DVL3: variants seen among roughly 807,000 people sequenced by gnomAD.
DVL3 encodes the protein dishevelled segment polarity protein 3, also known as segment polarity protein dishevelled homolog DVL-3.
DVL3 carries 27 observed loss-of-function variants against 67.4 expected under a neutral mutation model. The ratio of observed to expected loss-of-function variants is 0.40; its 90% CI spans 0.30 to 0.55. DVL3 has a LOEUF of 0.55. Ranked by LOEUF, DVL3 falls within the 20% of genes least tolerant of loss-of-function variation. The probability of loss-of-function intolerance (pLI) is 0.46; values close to 1 mark genes in which losing one functional copy is unlikely to be tolerated. For missense variants in DVL3, 819 were observed against 1,021.5 expected (o/e 0.80, Z 2.70); for synonymous variants, 369 against 396.8 (o/e 0.93, Z 0.83).
At position 184,170,343 on chromosome 3, in the gene DVL3, G is replaced by A. The variant is rs1177752823; in HGVS notation, c.1739G>A (p.Arg580His). ...SEGSRSSGSN[R>H]SGSDRRKEKD... Reference sequence around the variant, plus strand: ...GGCAGTCGGAGCAGTGGCTCCAACCGTAGCGGCAGCGATCGGAGGAAGGAG... The same window carrying A: ...GGCAGTCGGAGCAGTGGCTCCAACCATAGCGGCAGCGATCGGAGGAAGGAG... The change falls in exon 15 of 15, where the codon CGT becomes CAT. Residue 580 changes from arginine (R) to histidine (H), a missense_variant. Transcript: ENST00000313143. The surrounding 1 kb of genome is among the most constrained non-coding windows in gnomAD (Gnocchi z 6.5). The A allele has an allele frequency of 1.9e-6, 3 of 1,604,576 alleles. No homozygotes were observed. The highest frequency in any genetic ancestry group is 1.3e-5 in the African/African-American group (1 of 74,864).
chr3:184,164,954 A>G lies in DVL3; in HGVS notation c.599+23A>G. The G allele has an allele frequency of 1.2e-6, 2 of 1,613,930 alleles. No individual in the cohort carries two copies. The highest frequency in any genetic ancestry group is 2.2e-5 in the East Asian group (1 of 44,860). On this transcript the variant is annotated intron_variant, in intron 5 of 14. Transcript: ENST00000313143. The surrounding 1 kb of genome is among the most constrained non-coding windows in gnomAD (Gnocchi z 5.3). ...CAGGTGGGGCTTGAGTTTCATGGGT[A>G]TTGTGGGGCAGGTGACCCTGGAGGA...
At chr3:184,160,150 C>T (rs1432869468) in intron 1 of DVL3, among the ~76,000 whole-genome samples, 1 of 145,722 alleles carries the variant, frequency 6.9e-6, no homozygotes, top group Non-Finnish European at 1.5e-5. Context: ...GACGGGGTTT[C>T]ACCGTATTAG....
Position 184,164,295 on chromosome 3 carries a change from A to C in DVL3, c.260A>C (p.Asp87Ala), listed in dbSNP as rs1577048001. 1 of 1,614,000 alleles carries C rather than the reference A, an allele frequency of 6.2e-7. No individual in the cohort carries two copies. The highest frequency in any genetic ancestry group is 8.5e-7 in the Non-Finnish European group (1 of 1,179,982). ...GTGTCAGCTGAGGGCTCACACCCAGACCCAGCCCCCTTCTGTGCTGATAAC... is the reference window on the plus strand; with the variant it reads ...GTGTCAGCTGAGGGCTCACACCCAGCCCCAGCCCCCTTCTGTGCTGATAAC... ...WLVSAEGSHP[D>A]PAPFCADNPS... The change falls in exon 3 of 15, where the codon GAC becomes GCC. Residue 87 changes from aspartate to alanine, a missense_variant. Asp to Ala is a moderately radical substitution (Grantham distance 126). Around this residue, in one of 3 missense-constraint regions of DVL3, gnomAD observed 385 missense variants for 486.8 expected, o/e 0.79. Transcript: ENST00000313143. This position sits in a 1 kb window ranked among gnomAD's most constrained non-coding sequence, Gnocchi z 5.3.
At chr3:184,162,668 G>A (rs1028117867) in intron 1 of DVL3, among the ~76,000 whole-genome samples, 2 of 147,568 alleles carry the variant, frequency 1.4e-5, no homozygotes, top group African/African-American at 5.0e-5. Flanking sequence ...CAAGTGATTC[G>A]CCTGCCTTAG....
rs368436006 is a variant in DVL3, at chr3:184,162,747, C to T, written c.162-910C>T. On this transcript the variant is annotated intron_variant, in intron 1 of 14. Coordinates refer to ENST00000313143, the MANE Select transcript of DVL3 (RefSeq NM_004423.4). ...TGGAATTTCACCCCAGGCTTGACTC[C>T]AAAATCCATACTCTTTCCACTGTAT... Among the ~76,000 whole-genome samples, 25 of 152,026 alleles carry T rather than the reference C, an allele frequency of 1.6e-4. No homozygotes were observed. The East Asian group carries it at 4.6e-3, about 28-fold the overall frequency.
Position 184,165,147 on chromosome 3 carries a change from C to A in DVL3, c.634C>A (p.Arg212Ser). The change falls in exon 6 of 15, where the codon CGC becomes AGC. Residue 212 changes from arginine to serine, a missense_variant. Coordinates refer to ENST00000313143, the MANE Select transcript of DVL3 (RefSeq NM_004423.4). The surrounding 1 kb of genome is among the most constrained non-coding windows in gnomAD (Gnocchi z 4.1). ...SSSTEQSSAS[R>S]LMRRHKRRRR... is the part of the protein sequence containing the mutation. ...CTCCACAGAACAGAGCAGTGCCTCA[C>A]GCCTGATGAGAAGACACAAGCGGCG... 2 of 1,611,844 alleles carry A rather than the reference C, an allele frequency of 1.2e-6. No homozygotes were observed. The highest frequency in any genetic ancestry group is 2.2e-5 in the East Asian group (1 of 44,860).
At position 184,164,874 on chromosome 3, in the gene DVL3, G is replaced by T; in HGVS notation, c.542G>T (p.Ser181Ile). Residue 181 changes from serine to isoleucine, a missense_variant, in exon 5 of 15, where the codon AGC becomes ATC. Transcript: ENST00000313143. This position sits in a 1 kb window ranked among gnomAD's most constrained non-coding sequence, Gnocchi z 5.3. Reference sequence around the variant, plus strand: ...TATGATAGCTCATCCACCCTTATGAGCAGTGAGCTGGAGACCACCAGCTTC... The same window carrying T: ...TATGATAGCTCATCCACCCTTATGATCAGTGAGCTGGAGACCACCAGCTTC... ...GGYDSSSTLM[S>I]SELETTSFFD... The T allele has an allele frequency of 1.2e-6, 2 of 1,614,226 alleles. No homozygotes were observed. Among genetic ancestry groups the T allele is most frequent in the Non-Finnish European group, 1.7e-6 (2 of 1,180,048 alleles).
intron 1 of DVL3, among the ~76,000 whole-genome samples, chr3:184,160,137 A>G (rs1223003596): frequency 1.4e-5 from 2 of 144,802 alleles, no homozygotes; most frequent in East Asian, 4.0e-4. Context: ...TATTTTTAGT[A>G]GAGACGGGGT....
rs1270533561 is a variant in DVL3, at chr3:184,170,883, C to T, written c.*128C>T. ...ATAAAAGGAACTAAATCCAGGTGCG[C>T]TAACTGCTCGCAGGGTGCTGCGAGG... On this transcript the variant is annotated 3_prime_UTR_variant, in exon 15 of 15. Coordinates refer to ENST00000313143, the MANE Select transcript of DVL3 (RefSeq NM_004423.4). The surrounding 1 kb of genome is among the most constrained non-coding windows in gnomAD (Gnocchi z 6.5). 1 of 1,548,968 alleles carries T rather than the reference C, an allele frequency of 6.5e-7. No individual in the cohort carries two copies. The highest frequency in any genetic ancestry group is 8.7e-7 in the Non-Finnish European group (1 of 1,146,828).
rs1714843955 is a variant in DVL3, at chr3:184,171,645, G to A, written c.*890G>A. 3 of 969,710 alleles carry A rather than the reference G, an allele frequency of 3.1e-6. No individual in the cohort carries two copies. The highest frequency in any genetic ancestry group is 1.8e-5 in the African/African-American group (1 of 56,866). 60.1% of individuals were successfully genotyped at this position (969,710 alleles called of 1,614,324 possible). On this transcript the variant is annotated 3_prime_UTR_variant, in exon 15 of 15. Coordinates refer to ENST00000313143, the MANE Select transcript of DVL3 (RefSeq NM_004423.4). ...AGCCTCCGAGGAGACCAGGAACCCT[G>A]CTTCAGCAGCCCCTCAGGGCTTCCC...
chr3:184,163,890 GAA>G lies in DVL3; in HGVS notation c.231+167_231+168del, dbSNP rs1714467870. On this transcript the variant is annotated intron_variant, in intron 2 of 14. Coordinates refer to ENST00000313143, the MANE Select transcript of DVL3 (RefSeq NM_004423.4). This position sits in a 1 kb window ranked among gnomAD's most constrained non-coding sequence, Gnocchi z 4.5. ...CACCCCAGATTCTGTAACCTTTGAT[GAA>G]AAGTGAGAAATTAGTGGGAAGGGGG... 6.6e-6 allele frequency among the ~76,000 whole-genome samples: 1 copy of G among 152,178 alleles called. No individual in the cohort carries two copies. Among genetic ancestry groups the G allele is most frequent in the African/African-American group, 2.4e-5 (1 of 41,448 alleles).
intron 1 of DVL3, among the ~76,000 whole-genome samples, chr3:184,162,942 G>A (rs190254930): frequency 6.6e-6 from 1 of 152,290 alleles, no homozygotes; most frequent in Admixed American, 6.5e-5. Context: ...ACAGTTTGGG[G>A]CTAGGAAGGG....
chr3:184,171,759 TCTC>T lies in DVL3; in HGVS notation c.*1010_*1012del, dbSNP rs534657914. ...CCAACTTCACCCATGCATGAGAGACTCTCCTCCTTTCCAGAGAGAATCGGATCG... is the reference window on the plus strand; with the variant it reads ...CCAACTTCACCCATGCATGAGAGACTCTCCTTTCCAGAGAGAATCGGATCG... On this transcript the variant is annotated 3_prime_UTR_variant, in exon 15 of 15. Transcript: ENST00000313143. The T allele has an allele frequency of 3.3e-5, 8 of 239,214 alleles. No homozygotes were observed. The highest frequency in any genetic ancestry group is 1.8e-4 in the East Asian group (1 of 5,488). 14.8% of individuals were successfully genotyped at this position (239,214 alleles called of 1,614,324 possible). A position where few individuals can be genotyped will look rare whatever the true frequency, so the allele number is the denominator to read the frequency against.
In DVL3 at chr3:184,170,592, GC is replaced by G. The variant is rs771967735; in HGVS notation, c.1995del (p.Met666CysfsTer2). The G allele has an allele frequency of 6.2e-7, 1 of 1,600,864 alleles. No homozygotes were observed. Among genetic ancestry groups the G allele is most frequent in the Non-Finnish European group, 8.5e-7 (1 of 1,174,552 alleles). Reference protein sequence around the residue: ...YGPPGVPPLYGPPMLMMPPPP... With the variant: ...YGPPGVPPLYXPPMLMMPPPP... ...CCTCCCGGAGTGCCCCCTCTCTACG[GC>G]CCCCCCATGCTGATGATGCCCCCGC... On this transcript the variant is annotated frameshift_variant, in exon 15 of 15. Transcript: ENST00000313143. LOFTEE classifies it high-confidence loss of function. The surrounding 1 kb of genome is among the most constrained non-coding windows in gnomAD (Gnocchi z 6.5).
In DVL3 at chr3:184,172,752, A is replaced by G. The variant is rs1330994762; in HGVS notation, c.*1997A>G. ...CTCAAAAGCAAACTAACAAAGAAAA[A>G]CAATACTTCCTGGGGTTTTGGTGTG... On this transcript the variant is annotated 3_prime_UTR_variant, in exon 15 of 15. Coordinates refer to ENST00000313143, the MANE Select transcript of DVL3 (RefSeq NM_004423.4). 1 of 152,146 alleles carries G rather than the reference A, an allele frequency of 6.6e-6. No homozygotes were observed. 9.4% of individuals were successfully genotyped at this position (152,146 alleles called of 1,614,324 possible).
intron 1 of DVL3, among the ~76,000 whole-genome samples, chr3:184,161,487 T>G (rs1714381193): frequency 6.6e-6 from 1 of 151,890 alleles, no homozygotes; most frequent in South Asian, 2.1e-4. Flanking sequence ...CTTGCTGTCT[T>G]CCCTCTCTGC....
Position 184,170,178 on chromosome 3 carries a change from C to G in DVL3, c.1671C>G (p.Gly557=). The G allele has an allele frequency of 6.2e-7, 1 of 1,613,482 alleles. No homozygotes were observed. The highest frequency in any genetic ancestry group is 8.5e-7 in the Non-Finnish European group (1 of 1,179,904). Residue 557 remains glycine, a synonymous_variant, in exon 14 of 15, where the codon GGC becomes GGG. Transcript: ENST00000313143. The surrounding 1 kb of genome is among the most constrained non-coding windows in gnomAD (Gnocchi z 6.5). ...CGCACCCGGGCTTCCCGGAGCTGGGCTACAGCTACGGCGGGGGCAGCGCCA... is the reference window on the plus strand; with the variant it reads ...CGCACCCGGGCTTCCCGGAGCTGGGGTACAGCTACGGCGGGGGCAGCGCCA... ...YNPHPGFPEL[G]YSYGGGSASS...
At position 184,169,952 on chromosome 3, in the gene DVL3, G is replaced by A. The variant is rs1170719792; in HGVS notation, c.1499-54G>A. On this transcript the variant is annotated intron_variant, in intron 13 of 14. Coordinates refer to ENST00000313143, the MANE Select transcript of DVL3 (RefSeq NM_004423.4). ...CTCATCCAGAGCCCACCTGACCTAGGCTAGGGACCTCTCTCCGGAAAGACC... is the reference window on the plus strand; with the variant it reads ...CTCATCCAGAGCCCACCTGACCTAGACTAGGGACCTCTCTCCGGAAAGACC... The A allele has an allele frequency of 1.3e-5, 20 of 1,500,906 alleles. No individual in the cohort carries two copies. In the Admixed American group the frequency reaches 3.8e-4, roughly 28 times the overall value. The allele number at this position is 1,500,906 out of a possible 1,614,324, so 93.0% of individuals were successfully genotyped here.
chr3:184,162,334 C>A (rs994862160), intron 1 of DVL3, among the ~76,000 whole-genome samples: 7 of 151,866 alleles, frequency 4.6e-5, no homozygotes, highest in African/African-American at 1.7e-4. Flanking sequence ...TACGCTACCA[C>A]GCTCGGCTAA....
Sources: gnomAD v4.1 joint callset for allele counts (sites outside exome capture counted in the v4.1 genomes callset) on GRCh38, gnomAD v4.1.1 for gene constraint, gnomAD v4.1.1 regional missense constraint, Gnocchi (gnomAD v3.1) non-coding constraint, MANE v1.5 for transcripts, NCBI Gene and HGNC (gene_info 2026-07-23, HGNC 2026-07-21) for gene names.